FGGY: variants seen among roughly 807,000 people sequenced by gnomAD.
FGGY encodes the protein FGGY carbohydrate kinase domain-containing protein.
In FGGY, 72 loss-of-function variants were observed where a neutral mutation model predicts 71.3. The ratio of observed to expected loss-of-function variants is 1.01; its 90% CI spans 0.84 to 1.23. The LOEUF (loss-of-function observed/expected upper bound fraction) is 1.23. Among genes scored for constraint, FGGY ranks in the 50% most tolerant of loss-of-function variants. The pLI is 0.00. For synonymous variants in FGGY, 251 were observed against 250.3 expected (o/e 1.00, Z -0.02); for missense variants, 668 against 682.3 (o/e 0.98, Z 0.23).
At chr1:59,358,553 T>A (rs2054795045) in intron 4 of FGGY, among the ~76,000 whole-genome samples, 1 of 152,126 alleles carries the variant, frequency 6.6e-6, no homozygotes, top group Non-Finnish European at 1.5e-5. Context: ...TGAAAAACTT[T>A]TACAGTGAAT....
Position 59,757,858 on chromosome 1 carries a change from T to G in FGGY, c.1513-73T>G, listed in dbSNP as rs1203357486. 17 of 1,013,338 alleles carry G rather than the reference T, an allele frequency of 1.7e-5. No homozygotes were observed. The South Asian group carries it at 2.5e-4, about 15-fold the overall frequency. 62.8% of individuals were successfully genotyped at this position (1,013,338 alleles called of 1,614,324 possible). ...AGGGAAGCAAATTCAAATTAGAATG[T>G]TTTGCCTGTGACAAGCCTCGCTTTG... On this transcript the variant is annotated intron_variant, in intron 14 of 15. Coordinates refer to ENST00000303721, the MANE Select transcript of FGGY (RefSeq NM_018291.5).
chr1:59,376,806 G>A (rs953643307), intron 4 of FGGY, among the ~76,000 whole-genome samples: 1 of 152,158 alleles, frequency 6.6e-6, no homozygotes, highest in Non-Finnish European at 1.5e-5. Flanking sequence ...GGGAGTAATA[G>A]AAACCAGGAC....
intron 6 of FGGY, among the ~76,000 whole-genome samples, chr1:59,464,669 T>TA (rs1308120065): frequency 6.6e-6 from 1 of 151,802 alleles, no homozygotes; most frequent in Non-Finnish European, 1.5e-5. Flanking sequence ...ATAGATGCAA[T>TA]AAAAAATAAT....
At chr1:59,450,151 C>A (rs1047203121) in intron 5 of FGGY, among the ~76,000 whole-genome samples, 1 of 152,064 alleles carries the variant, frequency 6.6e-6, no homozygotes, top group Non-Finnish European at 1.5e-5. Flanking sequence ...CTGTATTCTC[C>A]AGATTACTTA....
chr1:59,752,995 T>C (rs982388325), intron 14 of FGGY, among the ~76,000 whole-genome samples: 1 of 152,226 alleles, frequency 6.6e-6, no homozygotes, highest in Non-Finnish European at 1.5e-5. Flanking sequence ...CAAAATATTT[T>C]GTTTTTAAAA....
chr1:59,671,602 G>T (rs2097378180), intron 13 of FGGY, among the ~76,000 whole-genome samples: 1 of 152,184 alleles, frequency 6.6e-6, no homozygotes, highest in Non-Finnish European at 1.5e-5. Flanking sequence ...TTCACCCTGG[G>T]TAACAGGTGT....
At chr1:59,375,060 TATAATA>T (rs926960857) in intron 4 of FGGY, among the ~76,000 whole-genome samples, 3 of 144,608 alleles carry the variant, frequency 2.1e-5, no homozygotes, top group Non-Finnish European at 4.5e-5. Context: ...AAACTTAAAG[TATAATA>T]ATAATAAAAA....
chr1:59,357,839 C>T (rs2054628674), intron 4 of FGGY, among the ~76,000 whole-genome samples: 1 of 152,226 alleles, frequency 6.6e-6, no homozygotes, highest in Non-Finnish European at 1.5e-5. Context: ...ACATGCCTGG[C>T]TTACCTGTTG....
chr1:59,724,266 C>T (rs1196019613), intron 14 of FGGY, among the ~76,000 whole-genome samples: 1 of 149,940 alleles, frequency 6.7e-6, no homozygotes, highest in African/African-American at 2.5e-5. Flanking sequence ...ATCACGAGGT[C>T]AGGAGATCAA....
chr1:59,508,865 G>A (rs1558164833), intron 6 of FGGY, among the ~76,000 whole-genome samples: 1 of 152,204 alleles, frequency 6.6e-6, no homozygotes, highest in South Asian at 2.1e-4. Flanking sequence ...ACAGATTTGG[G>A]GGGATAAGGT....
intron 5 of FGGY, among the ~76,000 whole-genome samples, chr1:59,409,880 A>ATTCT (rs1450178654): frequency 4.6e-5 from 7 of 152,192 alleles, no homozygotes; most frequent in African/African-American, 1.7e-4. Flanking sequence ...TGTAGTGCAC[A>ATTCT]TTCTGATAGG....
intron 6 of FGGY, among the ~76,000 whole-genome samples, chr1:59,463,161 A>G (rs1256379961): frequency 4.6e-5 from 7 of 152,226 alleles, no homozygotes; most frequent in Admixed American, 2.6e-4. Context: ...GCCATAAAAA[A>G]TGATGAGTTC....
intron 5 of FGGY, chr1:59,393,188 T>C (rs2060904100): frequency 6.6e-6 from 1 of 152,182 alleles, no homozygotes; most frequent in African/African-American, 2.4e-5. Context: ...ATGTTCTGTA[T>C]AAATATTGAG....
At position 59,607,815 on chromosome 1, in the gene FGGY, C is replaced by A; in HGVS notation, c.916C>A (p.Pro306Thr). The change falls in exon 9 of 16, where the codon CCG (proline) becomes ACG (threonine). Residue 306 changes from proline (P) to threonine (T), a missense_variant. Physicochemically the swap from Pro to Thr is conservative, Grantham distance 38 (BLOSUM62 -1). Around this residue, in one of 2 missense-constraint regions of FGGY, gnomAD observed 661 missense variants for 661.6 expected, o/e 1.00. Transcript: ENST00000303721. ...SSCHMGISKD[P>T]IFVPGVWGPY... ...TCTTTCTTTCCAGATCAGCAAAGAC[C>A]CGATTTTTGTACCAGGCGTCTGGGG... 6.2e-7 allele frequency: 1 copy of A among 1,613,730 alleles called. No individual in the cohort carries two copies.
intron 6 of FGGY, among the ~76,000 whole-genome samples, chr1:59,479,518 ATAGG>A (rs1383343700): frequency 1.3e-5 from 2 of 152,274 alleles, no homozygotes; most frequent in African/African-American, 4.8e-5. Flanking sequence ...TTCTATTTTA[ATAGG>A]TAGGAAGAAG....
chr1:59,374,867 A>G (rs1044437560), intron 4 of FGGY, among the ~76,000 whole-genome samples: 7 of 128,158 alleles, frequency 5.5e-5, no homozygotes, highest in Admixed American at 2.0e-4. Context: ...ATGGGAACAC[A>G]TGGTCACAGG....
chr1:59,733,685 A>G (rs2098070666), intron 14 of FGGY, among the ~76,000 whole-genome samples: 1 of 152,192 alleles, frequency 6.6e-6, no homozygotes, highest in Non-Finnish European at 1.5e-5. Flanking sequence ...GAACAAGGCA[A>G]GGCTGAGGTT....
chr1:59,337,510 C>T (rs1038464525), intron 2 of FGGY, among the ~76,000 whole-genome samples: 13 of 152,172 alleles, frequency 8.5e-5, no homozygotes, highest in Admixed American at 4.6e-4. Flanking sequence ...AACACCCTCA[C>T]AGACACACCC....
chr1:59,666,347 A>T (rs1442557909), intron 12 of FGGY, among the ~76,000 whole-genome samples: 2 of 152,124 alleles, frequency 1.3e-5, no homozygotes, highest in Non-Finnish European at 2.9e-5. Flanking sequence ...AAACATCACC[A>T]TGTGGCTGCC....
Sources: allele counts gnomAD v4.1 joint callset (sites outside exome capture counted in the v4.1 genomes callset), GRCh38; gene constraint gnomAD v4.1.1; regional missense constraint gnomAD v4.1.1; transcripts MANE v1.5; gene names NCBI Gene and HGNC (gene_info 2026-07-23, HGNC 2026-07-21).